Variants in CLDN10 observed in about 807,000 individuals in gnomAD.
The protein encoded by CLDN10 is claudin-10.
In CLDN10, 15 loss-of-function variants were observed where a neutral mutation model predicts 22.9. The observed-to-expected ratio is 0.65, with a 90% CI of 0.44 to 1.01. CLDN10 has a LOEUF of 1.01. Ranked by LOEUF, CLDN10 falls within the 50% of genes least tolerant of loss-of-function variation. The pLI is 0.00. For missense variants in CLDN10, 247 were observed against 287.8 expected (o/e 0.86, Z 1.03); for synonymous variants, 114 against 111.4 (o/e 1.02, Z -0.15).
intron 1 of CLDN10, among the ~76,000 whole-genome samples, chr13:95,496,798 A>C (rs9669864): frequency 0.078 from 11,892 of 152,274 alleles, 529 homozygotes; most frequent in Non-Finnish European, 0.093. Flanking sequence ...ATTGGGGGTT[A>C]CAGCTTCAAC....
At chr13:95,532,386 T>A (rs749300944) in intron 1 of CLDN10, among the ~76,000 whole-genome samples, 46 of 151,968 alleles carry the variant, frequency 3.0e-4, no homozygotes, top group Non-Finnish European at 6.2e-4. Context: ...AATAAGCACA[T>A]GAAAAAGTGC....
At chr13:95,570,853 C>CAT (rs2043845916) in intron 3 of CLDN10, among the ~76,000 whole-genome samples, 2 of 104,264 alleles carry the variant, frequency 1.9e-5, no homozygotes, top group Non-Finnish European at 3.6e-5. Context: ...CACACATATA[C>CAT]GTGTGTATAT....
intron 1 of CLDN10, among the ~76,000 whole-genome samples, chr13:95,483,299 G>A (rs1367837807): frequency 6.6e-6 from 1 of 152,176 alleles, no homozygotes; most frequent in African/African-American, 2.4e-5. Flanking sequence ...CCCTTAGGGT[G>A]AAAATTATCT....
chr13:95,516,694 G>A (rs1278815025), intron 1 of CLDN10, among the ~76,000 whole-genome samples: 1 of 152,168 alleles, frequency 6.6e-6, no homozygotes, highest in African/African-American at 2.4e-5. Context: ...CTTCTTCGGG[G>A]CAGCAGTGAA....
chr13:95,490,315 G>A (rs1364617857), intron 1 of CLDN10, among the ~76,000 whole-genome samples: 1 of 152,130 alleles, frequency 6.6e-6, no homozygotes, highest in Non-Finnish European at 1.5e-5. Context: ...TGGCAGTATG[G>A]TCATTTTCAC....
At chr13:95,489,514 T>G (rs1205175217) in intron 1 of CLDN10, among the ~76,000 whole-genome samples, 1 of 152,188 alleles carries the variant, frequency 6.6e-6, no homozygotes, top group Non-Finnish European at 1.5e-5. Flanking sequence ...TGTTGGCCAT[T>G]TATATATCTT....
chr13:95,446,883 A>G (rs1437790945), intron 1 of CLDN10, among the ~76,000 whole-genome samples: 1 of 152,080 alleles, frequency 6.6e-6, no homozygotes, highest in African/African-American at 2.4e-5. Flanking sequence ...AGAAACACAT[A>G]GCTCTCCATC....
intron 1 of CLDN10, among the ~76,000 whole-genome samples, chr13:95,456,612 G>A (rs959732720): frequency 2.6e-5 from 4 of 151,972 alleles, no homozygotes; most frequent in African/African-American, 9.7e-5. Context: ...AAAAAAATTA[G>A]CTGGTCATGA....
At chr13:95,552,321 C>G (rs573335641), upstream of CLDN10, among the ~76,000 whole-genome samples, 543 of 146,410 alleles carry the variant, frequency 3.7e-3, 2 homozygotes, top group Non-Finnish European at 6.2e-3. Context: ...TTTTCCTGCT[C>G]TGCTTCTACA....
intron 1 of CLDN10, among the ~76,000 whole-genome samples, chr13:95,463,373 C>T (rs1258612595): frequency 1.7e-5 from 2 of 117,782 alleles, no homozygotes; most frequent in African/African-American, 6.5e-5. Context: ...CCCTCCTTTA[C>T]CCAGACTGGA....
At chr13:95,539,060 G>A (rs2043432405) in intron 1 of CLDN10, among the ~76,000 whole-genome samples, 1 of 151,970 alleles carries the variant, frequency 6.6e-6, no homozygotes, top group South Asian at 2.1e-4. Context: ...TTGTATTTTT[G>A]TAGAGATGGG....
intron 1 of CLDN10, among the ~76,000 whole-genome samples, chr13:95,511,239 G>A (rs552754999): frequency 6.6e-6 from 1 of 152,028 alleles, no homozygotes; most frequent in Non-Finnish European, 1.5e-5. Context: ...GTGAGATACT[G>A]TAAATACAGA....
chr13:95,488,950 C>CTTTTTTTTTTTTTTTTTTTTTTTTTTT (rs58919737), intron 1 of CLDN10, among the ~76,000 whole-genome samples: 1 of 110,750 alleles, frequency 9.0e-6, no homozygotes, highest in Non-Finnish European at 1.7e-5. Flanking sequence ...ACTTTTTGTT[C>CTTTTTTTTTTTTTTTTTTTTTTTTTTT]TTTTTTTTTT....
At chr13:95,471,941 ATTTTTTTT>A (rs58891166) in intron 1 of CLDN10, among the ~76,000 whole-genome samples, 12 of 95,814 alleles carry the variant, frequency 1.3e-4, no homozygotes, top group East Asian at 3.1e-4. Flanking sequence ...ACACTCAGCT[ATTTTTTTT>A]TTTTTTTTTT....
intron 1 of CLDN10, among the ~76,000 whole-genome samples, chr13:95,438,799 C>T (rs1013786491): frequency 2.0e-5 from 3 of 151,812 alleles, no homozygotes; most frequent in South Asian, 2.1e-4. Flanking sequence ...ACCAACTTGG[C>T]GAAATCCTGT....
At position 95,508,879 on chromosome 13, in the gene CLDN10, C is replaced by T. The variant is rs79836907; in HGVS notation, c.215-51253C>T. On this transcript the variant is annotated intron_variant, in intron 1 of 4. Coordinates refer to the CLDN10 transcript ENST00000376873. The stretch of plus-strand genomic sequence containing the variant: ...CAATGGGACTGAGGAACTAGATGAG[C>T]GTTGTTTCATAAGGCCTTGTGGGTT... Among the ~76,000 whole-genome samples, 16 of 152,260 alleles carry T rather than the reference C, an allele frequency of 1.1e-4. No homozygotes were observed. The East Asian group carries it at 2.9e-3, about 28-fold the overall frequency.
chr13:95,529,846 T>A (rs2043322405), intron 1 of CLDN10, among the ~76,000 whole-genome samples: 1 of 151,932 alleles, frequency 6.6e-6, no homozygotes, highest in Non-Finnish European at 1.5e-5. Context: ...TAGCTCTCCC[T>A]TGAAACTAGC....
At chr13:95,543,778 A>G (rs905186168) in intron 1 of CLDN10, among the ~76,000 whole-genome samples, 1 of 152,044 alleles carries the variant, frequency 6.6e-6, no homozygotes, top group Admixed American at 6.5e-5. Flanking sequence ...GTGATTCCAA[A>G]CTATCTGTAG....
chr13:95,450,055 G>A (rs1335934448), intron 1 of CLDN10, among the ~76,000 whole-genome samples: 2 of 151,742 alleles, frequency 1.3e-5, no homozygotes, highest in Non-Finnish European at 2.9e-5. Context: ...AAATTTTTTT[G>A]TAGAGACAGG....
Sources: gnomAD v4.1 joint callset for allele counts (sites outside exome capture counted in the v4.1 genomes callset) on GRCh38, gnomAD v4.1.1 for gene constraint, MANE v1.5 for transcripts, NCBI Gene and HGNC (gene_info 2026-07-23, HGNC 2026-07-21) for gene names.